RIMS2: variants seen among roughly 807,000 people sequenced by gnomAD.
RIMS2 encodes regulating synaptic membrane exocytosis protein 2.
Under a neutral mutation model 174.4 loss-of-function variants are expected in RIMS2, and 59 were observed. The observed-to-expected ratio is 0.34, with a 90% CI of 0.27 to 0.42. The LOEUF (loss-of-function observed/expected upper bound fraction) is 0.42, where lower values mean the gene tolerates loss of function less well. Ranked by LOEUF, RIMS2 falls within the 10% of genes least tolerant of loss-of-function variation. RIMS2 has a pLI of 1.00. For synonymous variants in RIMS2, 606 were observed against 572.5 expected, an observed-to-expected ratio of 1.06 and a Z score of -0.84; for missense variants, 1,620 against 1,666.3, an observed-to-expected ratio of 0.97 and a Z score of 0.48.
At chr8:103,608,966 C>T (rs192586289) in intron 1 of RIMS2, among the ~76,000 whole-genome samples, 117 of 152,352 alleles carry the variant, frequency 7.7e-4, no homozygotes, top group African/African-American at 2.6e-3. Flanking sequence ...GTTGCTCACG[C>T]TGGGAGCTGT....
intron 4 of RIMS2, among the ~76,000 whole-genome samples, chr8:103,908,762 A>G (rs954563784): frequency 6.6e-6 from 1 of 152,124 alleles, no homozygotes; most frequent in East Asian, 1.9e-4. Flanking sequence ...GTTATTGTAA[A>G]TGTCTTTTAA....
chr8:104,017,416 A>AT (rs1246228941), intron 19 of RIMS2, among the ~76,000 whole-genome samples: 1 of 152,004 alleles, frequency 6.6e-6, no homozygotes, highest in Non-Finnish European at 1.5e-5. Context: ...TTAGTCTGTT[A>AT]TATATTTAGC....
At chr8:103,786,107 G>T (rs535980898) in intron 3 of RIMS2, among the ~76,000 whole-genome samples, 1 of 151,912 alleles carries the variant, frequency 6.6e-6, no homozygotes, top group Non-Finnish European at 1.5e-5. Context: ...CTGTGGGATT[G>T]GTGGTGATAT....
At chr8:104,096,866 G>A (rs1384728903) in intron 19 of RIMS2, among the ~76,000 whole-genome samples, 3 of 139,558 alleles carry the variant, frequency 2.1e-5, no homozygotes, top group African/African-American at 8.4e-5. Context: ...GACTCCATCC[G>A]CCCCCCACCA....
chr8:103,870,106 G>A (rs924712086), intron 3 of RIMS2, among the ~76,000 whole-genome samples: 1 of 149,246 alleles, frequency 6.7e-6, no homozygotes, highest in Non-Finnish European at 1.5e-5. Context: ...AACTAGGTCA[G>A]CTAACAGCCG....
intron 3 of RIMS2, among the ~76,000 whole-genome samples, chr8:103,803,584 C>G (rs1164580341): frequency 6.6e-6 from 1 of 152,156 alleles, no homozygotes; most frequent in African/African-American, 2.4e-5. Context: ...ATGAGACTTA[C>G]CCTTCCCTTG....
At chr8:103,844,189 C>G (rs1343287578) in intron 3 of RIMS2, among the ~76,000 whole-genome samples, 2 of 152,142 alleles carry the variant, frequency 1.3e-5, no homozygotes, top group Non-Finnish European at 2.9e-5. Context: ...TCAGGTATGT[C>G]TTTATCAGCA....
At chr8:104,234,460 CTCTA>C (rs1342261669) in intron 19 of RIMS2, among the ~76,000 whole-genome samples, 2 of 150,620 alleles carry the variant, frequency 1.3e-5, no homozygotes, top group African/African-American at 4.9e-5. Context: ...GGATATGCAA[CTCTA>C]TCTAAGTAGT....
chr8:104,118,731 G>T (rs2098325127), intron 19 of RIMS2, among the ~76,000 whole-genome samples: 1 of 152,044 alleles, frequency 6.6e-6, no homozygotes, highest in Non-Finnish European at 1.5e-5. Flanking sequence ...TTGACTGGGT[G>T]GTTTAAAAAA....
chr8:103,744,438 A>G (rs899046995), intron 2 of RIMS2, among the ~76,000 whole-genome samples: 1 of 152,184 alleles, frequency 6.6e-6, no homozygotes, highest in Non-Finnish European at 1.5e-5. Flanking sequence ...TCAAAATTAT[A>G]TTATTTTCAT....
At chr8:103,981,174 G>A (rs1205334168) in intron 16 of RIMS2, among the ~76,000 whole-genome samples, 3 of 152,094 alleles carry the variant, frequency 2.0e-5, no homozygotes, top group South Asian at 2.1e-4. Flanking sequence ...CAGAACCAGC[G>A]GTGGTAGCCA....
Position 103,895,239 on chromosome 8 carries a change from C to T in RIMS2, c.1624+9016C>T, listed in dbSNP as rs574155374. On this transcript the variant is annotated intron_variant, in intron 4 of 23. Transcript: ENST00000504942. Reference sequence around the variant, plus strand: ...GCTTTAAAATCTTTGTCTGCTAAATCCAACCTCTGTTCCACTGAGAGTCCG... The same window carrying T: ...GCTTTAAAATCTTTGTCTGCTAAATTCAACCTCTGTTCCACTGAGAGTCCG... 3.3e-4 allele frequency among the ~76,000 whole-genome samples: 49 copies of T among 147,336 alleles called. 1 individual carries two copies. The highest frequency in any genetic ancestry group is 3.5e-3 in the Middle Eastern group (1 of 286).
At chr8:104,233,175 A>T (rs1047608666) in intron 19 of RIMS2, among the ~76,000 whole-genome samples, 1 of 152,178 alleles carries the variant, frequency 6.6e-6, no homozygotes, top group African/African-American at 2.4e-5. Flanking sequence ...ATATCCATGC[A>T]TTCTCTTGTT....
At chr8:103,792,804 C>T (rs1022113267) in intron 3 of RIMS2, among the ~76,000 whole-genome samples, 8 of 152,092 alleles carry the variant, frequency 5.3e-5, no homozygotes, top group African/African-American at 1.9e-4. Flanking sequence ...CTATAAAGAC[C>T]TCTATGCAAA....
chr8:103,679,480 A>T (rs1225667976), intron 1 of RIMS2, among the ~76,000 whole-genome samples: 1 of 152,020 alleles, frequency 6.6e-6, no homozygotes, highest in Non-Finnish European at 1.5e-5. Flanking sequence ...AAGGAGTAAT[A>T]GAGGTAGTTA....
At chr8:103,610,760 T>C (rs572200180) in intron 1 of RIMS2, among the ~76,000 whole-genome samples, 24 of 152,194 alleles carry the variant, frequency 1.6e-4, no homozygotes, top group African/African-American at 3.1e-4. Flanking sequence ...TTTACATCTA[T>C]GTACATCAAA....
intron 3 of RIMS2, among the ~76,000 whole-genome samples, chr8:103,772,541 C>T (rs2098265366): frequency 6.6e-6 from 1 of 152,028 alleles, no homozygotes; most frequent in Non-Finnish European, 1.5e-5. Context: ...GAAAGATAAA[C>T]TGTGTACAGG....
chr8:104,195,752 G>A (rs1035035728), intron 19 of RIMS2, among the ~76,000 whole-genome samples: 1 of 152,012 alleles, frequency 6.6e-6, no homozygotes, highest in Non-Finnish European at 1.5e-5. Context: ...GGCTCAGGCA[G>A]TCTGCCCACC....
intron 2 of RIMS2, among the ~76,000 whole-genome samples, chr8:103,735,283 T>G (rs1392775061): frequency 6.6e-6 from 1 of 152,204 alleles, no homozygotes; most frequent in Non-Finnish European, 1.5e-5. Context: ...TGGCTGATTT[T>G]CATTGTTAAA....
Sources: gnomAD v4.1 joint callset for allele counts (sites outside exome capture counted in the v4.1 genomes callset) on GRCh38, gnomAD v4.1.1 for gene constraint, MANE v1.5 for transcripts, NCBI Gene and HGNC (gene_info 2026-07-23, HGNC 2026-07-21) for gene names.